SLC71A2: variants seen among roughly 807,000 people sequenced by gnomAD.
SLC71A2 encodes hippocampus abundant transcript-like 1.
chr9:94,379,744 T>C, the SLC71A2 span, among the ~76,000 whole-genome samples: 1 of 152,224 alleles, frequency 6.6e-6, no homozygotes, highest in East Asian at 1.9e-4. Context: ...TTTAATTTTG[T>C]AGGATCTTCT....
At chr9:94,390,180 T>C in the SLC71A2 span, among the ~76,000 whole-genome samples, 72,924 of 150,778 alleles carry the variant, frequency 0.48, 17,911 homozygotes, top group East Asian at 0.59. Flanking sequence ...CGCCACTGCA[T>C]TCCAGCCTGG....
At chr9:94,420,201 T>C in the SLC71A2 span, among the ~76,000 whole-genome samples, 1 of 152,218 alleles carries the variant, frequency 6.6e-6, no homozygotes, top group Non-Finnish European at 1.5e-5. Flanking sequence ...AAGCCTCTTG[T>C]GGCTGTCTCA....
chr9:94,432,733 A>G, the SLC71A2 span: 6 of 339,194 alleles, frequency 1.8e-5, no homozygotes, highest in East Asian at 7.2e-5. Flanking sequence ...CAAACTTTCT[A>G]TGCACAGATA....
the SLC71A2 span, among the ~76,000 whole-genome samples, chr9:94,448,487 T>C: frequency 2.0e-5 from 3 of 152,216 alleles, no homozygotes; most frequent in Non-Finnish European, 1.5e-5. Context: ...TCCTAATGGT[T>C]TACTTTGACA....
At chr9:94,424,242 C>T in the SLC71A2 span, among the ~76,000 whole-genome samples, 380 of 148,422 alleles carry the variant, frequency 2.6e-3, 3 homozygotes, top group African/African-American at 8.9e-3. Context: ...TTTTTTTTGG[C>T]GGAGGGGGGA....
chr9:94,412,659 TACTG>T, the SLC71A2 span, among the ~76,000 whole-genome samples: 1 of 144,672 alleles, frequency 6.9e-6, no homozygotes, highest in Non-Finnish European at 1.5e-5. Flanking sequence ...TTGAATGAAA[TACTG>T]ACACATGCTA....
At chr9:94,438,295 T>G in the SLC71A2 span, 10 of 1,344,798 alleles carry the variant, frequency 7.4e-6, no homozygotes, top group South Asian at 1.3e-4. Flanking sequence ...TATTCTGTTT[T>G]GGGGGCAGTA....
At chr9:94,399,694 C>A in the SLC71A2 span, among the ~76,000 whole-genome samples, 2 of 152,118 alleles carry the variant, frequency 1.3e-5, no homozygotes, top group African/African-American at 4.8e-5. Context: ...GTACAACTTT[C>A]AACTATAGCA....
At chr9:94,435,139 T>G in the SLC71A2 span, among the ~76,000 whole-genome samples, 1 of 152,232 alleles carries the variant, frequency 6.6e-6, no homozygotes, top group South Asian at 2.1e-4. Context: ...AAGCGTGCCC[T>G]CTTTTTACTC....
the SLC71A2 span, among the ~76,000 whole-genome samples, chr9:94,433,625 A>G: frequency 6.6e-6 from 1 of 151,640 alleles, no homozygotes; most frequent in African/African-American, 2.4e-5. Flanking sequence ...CACGATTTAC[A>G]GACTTTCTGT....
chr9:94,391,131 C>A, the SLC71A2 span, among the ~76,000 whole-genome samples: 2 of 144,672 alleles, frequency 1.4e-5, no homozygotes, highest in Non-Finnish European at 3.0e-5. Flanking sequence ...AATTCCAGTA[C>A]TTTGGGAGGC....
chr9:94,386,868 T>G, the SLC71A2 span, among the ~76,000 whole-genome samples: 2 of 152,238 alleles, frequency 1.3e-5, no homozygotes, highest in Non-Finnish European at 2.9e-5. Flanking sequence ...TTTTTTCCAC[T>G]TTGTTAAAGA....
the SLC71A2 span, among the ~76,000 whole-genome samples, chr9:94,396,800 C>T: frequency 6.6e-6 from 1 of 152,090 alleles, no homozygotes; most frequent in African/African-American, 2.4e-5. Flanking sequence ...GACGGAGTTT[C>T]GCTCTTCTTG....
At chr9:94,452,678 C>CATAT in the SLC71A2 span, among the ~76,000 whole-genome samples, 10 of 47,582 alleles carry the variant, frequency 2.1e-4, no homozygotes, top group Non-Finnish European at 1.3e-4. Flanking sequence ...CATATATATT[C>CATAT]ATATATTCAT....
chr9:94,425,237 G>A, the SLC71A2 span, among the ~76,000 whole-genome samples: 2 of 152,082 alleles, frequency 1.3e-5, no homozygotes, highest in Non-Finnish European at 2.9e-5. Flanking sequence ...CCGGGAGGTG[G>A]AGGTTGTGGT....
the SLC71A2 span, among the ~76,000 whole-genome samples, chr9:94,457,200 A>G: frequency 1.3e-5 from 2 of 152,200 alleles, no homozygotes; most frequent in African/African-American, 4.8e-5. Context: ...TCCTGGGTTC[A>G]GTCTGCCTGC....
the SLC71A2 span, among the ~76,000 whole-genome samples, chr9:94,418,236 A>C: frequency 6.6e-6 from 1 of 151,922 alleles, no homozygotes; most frequent in African/African-American, 2.4e-5. Flanking sequence ...TTTTTTTGCC[A>C]ATTGTTTTCT....
the SLC71A2 span, among the ~76,000 whole-genome samples, chr9:94,427,149 T>A: frequency 1.3e-5 from 2 of 152,278 alleles, no homozygotes; most frequent in African/African-American, 4.8e-5. Context: ...TACTTTATTT[T>A]GGTTTTTAAA....
the SLC71A2 span, among the ~76,000 whole-genome samples, chr9:94,404,595 C>T: frequency 3.3e-5 from 5 of 152,290 alleles, no homozygotes; most frequent in East Asian, 1.9e-4. Flanking sequence ...CCACCGCGCC[C>T]GGCCTATGTG....
Sources: gnomAD v4.1 joint callset for allele counts (sites outside exome capture counted in the v4.1 genomes callset) on GRCh38, gnomAD v4.1.1 for gene constraint, MANE v1.5 for transcripts, NCBI Gene and HGNC (gene_info 2026-07-23, HGNC 2026-07-21) for gene names.